The following PARP16 variants were observed in gnomAD, a reference collection of about 807,000 sequenced individuals.
The protein encoded by PARP16 is poly(ADP-ribose) polymerase family member 16.
Under a neutral mutation model 35.0 loss-of-function variants are expected in PARP16, and 31 were observed. The observed-to-expected ratio is 0.88, with a 90% CI of 0.66 to 1.19. The LOEUF (loss-of-function observed/expected upper bound fraction) is 1.19. PARP16 is among the 50% of genes most tolerant of loss of function. PARP16 has a pLI of 0.00. For missense variants in PARP16, 424 were observed against 411.2 expected (o/e 1.03, Z -0.27); for synonymous variants, 162 against 169.5 (o/e 0.96, Z 0.34).
chr15:65,248,033 T>A, intron 3 of PARP16: 1 of 387,616 alleles, frequency 2.6e-6, no homozygotes, highest in Non-Finnish European at 5.2e-6. Flanking sequence ...CTCGATCTCC[T>A]GACCTTGTGA....
intron 2 of PARP16, among the ~76,000 whole-genome samples, chr15:65,251,866 G>C (rs1326830827): frequency 6.6e-6 from 1 of 152,008 alleles, no homozygotes; most frequent in Non-Finnish European, 1.5e-5. Flanking sequence ...CCGGATTCAT[G>C]CCATTCTCCT....
At chr15:65,236,885 T>C (rs2140714326) in intron 3 of PARP16, among the ~76,000 whole-genome samples, 1 of 146,506 alleles carries the variant, frequency 6.8e-6, no homozygotes, top group South Asian at 2.1e-4. Flanking sequence ...GGCAGGAGAA[T>C]CACTTGAACC....
At chr15:65,274,429 T>C (rs1385834862) in intron 1 of PARP16, among the ~76,000 whole-genome samples, 1 of 151,808 alleles carries the variant, frequency 6.6e-6, no homozygotes, top group Non-Finnish European at 1.5e-5. Context: ...AAAAAAAAAT[T>C]ATCCAGGCGT....
chr15:65,269,300 G>C (rs1595701349), intron 2 of PARP16, among the ~76,000 whole-genome samples: 1 of 151,854 alleles, frequency 6.6e-6, no homozygotes, highest in Admixed American at 6.6e-5. Context: ...GGCTTCAAGC[G>C]ATTCTCCTGC....
At chr15:65,268,769 T>G (rs2089988175) in intron 2 of PARP16, among the ~76,000 whole-genome samples, 1 of 152,102 alleles carries the variant, frequency 6.6e-6, no homozygotes, top group Admixed American at 6.5e-5. Context: ...TTTCTTTTTT[T>G]TTTGAGATGG....
At chr15:65,260,726 C>G (rs1006833214) in intron 5 of PARP16, among the ~76,000 whole-genome samples, 159 bp downstream of exon 5, 1 of 152,212 alleles carries the variant, frequency 6.6e-6, no homozygotes, top group African/African-American at 2.4e-5. Flanking sequence ...CACATCTTCT[C>G]CAGATCCTAT....
At chr15:65,232,549 T>C (rs910406217), downstream of PARP16, among the ~76,000 whole-genome samples, 2 of 152,168 alleles carry the variant, frequency 1.3e-5, no homozygotes, top group Admixed American at 1.3e-4. Context: ...CCACTGGTTC[T>C]CTCTAATCAC....
intron 3 of PARP16, among the ~76,000 whole-genome samples, chr15:65,236,747 C>A (rs910359177): frequency 6.6e-6 from 1 of 152,054 alleles, no homozygotes; most frequent in African/African-American, 2.4e-5. Flanking sequence ...CCGAGGTGGG[C>A]GGATCACGAG....
At chr15:65,272,990 T>C (rs1178067926) in intron 1 of PARP16, among the ~76,000 whole-genome samples, 1 of 152,000 alleles carries the variant, frequency 6.6e-6, no homozygotes, top group Non-Finnish European at 1.5e-5. Context: ...CAAGAATACC[T>C]GTGTGGTGGC....
At chr15:65,285,403 T>C (rs919368857) in intron 1 of PARP16, 4 of 214,164 alleles carry the variant, frequency 1.9e-5, no homozygotes, top group African/African-American at 7.1e-5. Flanking sequence ...CCTCCCAAAG[T>C]GCTGGGATTA....
At chr15:65,253,662 C>G (rs1253693204), downstream of PARP16, among the ~76,000 whole-genome samples, 4 of 152,038 alleles carry the variant, frequency 2.6e-5, no homozygotes, top group Non-Finnish European at 4.4e-5. Flanking sequence ...TCAATCATTA[C>G]CCTCTACTGT....
chr15:65,285,529 T>C (rs1247935058), intron 1 of PARP16: 3 of 393,940 alleles, frequency 7.6e-6, no homozygotes, highest in Admixed American at 2.6e-5. Context: ...TAAACAAGAA[T>C]ATGCTCTTCC....
downstream of PARP16, among the ~76,000 whole-genome samples, chr15:65,255,070 G>C (rs2089461658): frequency 6.6e-6 from 1 of 152,148 alleles, no homozygotes. Context: ...AGGCAGCTGG[G>C]GGCCCCTATG....
downstream of PARP16, among the ~76,000 whole-genome samples, chr15:65,231,975 T>C (rs2088782855): frequency 6.6e-6 from 1 of 152,208 alleles, no homozygotes; most frequent in Non-Finnish European, 1.5e-5. Context: ...TTTATAATTC[T>C]TTTTAAAAAT....
chr15:65,254,719 A>C (rs2089453885), downstream of PARP16, among the ~76,000 whole-genome samples: 1 of 152,184 alleles, frequency 6.6e-6, no homozygotes. Flanking sequence ...GGCTTAGCAG[A>C]AATGGGCTCA....
downstream of PARP16, among the ~76,000 whole-genome samples, chr15:65,231,478 C>T (rs114861854): frequency 5.6e-3 from 771 of 137,480 alleles, 9 homozygotes; most frequent in African/African-American, 0.02. Flanking sequence ...TTGAGAGTTT[C>T]GCTCTGAGTC....
chr15:65,276,099 T>G (rs1304428743), intron 1 of PARP16, among the ~76,000 whole-genome samples: 1 of 152,202 alleles, frequency 6.6e-6, no homozygotes, highest in Non-Finnish European at 1.5e-5. Context: ...ACAGGGTCCC[T>G]GCTGCATCCT....
At chr15:65,279,708 A>G (rs1182008651) in intron 1 of PARP16, among the ~76,000 whole-genome samples, 1 of 152,220 alleles carries the variant, frequency 6.6e-6, no homozygotes, top group Non-Finnish European at 1.5e-5. Flanking sequence ...TCTAATTGTT[A>G]TCATTTCCTC....
chr15:65,280,739 G>T (rs939270037), intron 1 of PARP16, among the ~76,000 whole-genome samples: 1 of 152,010 alleles, frequency 6.6e-6, no homozygotes, highest in Non-Finnish European at 1.5e-5. Context: ...GCTTATATGC[G>T]CTTTAACCCA....
Sources: allele counts gnomAD v4.1 joint callset (sites outside exome capture counted in the v4.1 genomes callset), GRCh38; gene constraint gnomAD v4.1.1; transcripts MANE v1.5; gene names NCBI Gene and HGNC (gene_info 2026-07-23, HGNC 2026-07-21).